DAPK1: variants seen among roughly 807,000 people sequenced by gnomAD.
DAPK1 encodes death-associated protein kinase 1.
A neutral mutation model predicts 144.9 loss-of-function variants in DAPK1; 56 were observed. That is an observed-to-expected ratio of 0.39 (90% confidence interval 0.31 to 0.48). The LOEUF (loss-of-function observed/expected upper bound fraction) is 0.48. DAPK1 is among the 20% of genes least tolerant of loss of function. The probability of loss-of-function intolerance (pLI) is 0.95; values close to 1 mark genes in which losing one functional copy is unlikely to be tolerated. For synonymous variants in DAPK1, 690 were observed against 749.0 expected (o/e 0.92, Z 1.29); for missense variants, 1,454 against 1,875.4 (o/e 0.78, Z 4.15).
At chr9:87,554,014 A>T (rs1329569707) in intron 2 of DAPK1, 3 of 152,090 alleles carry the variant, frequency 2.0e-5, no homozygotes, top group African/African-American at 7.2e-5. Context: ...CATTTGGGGG[A>T]CCCCCTTGGA....
intron 2 of DAPK1, among the ~76,000 whole-genome samples, chr9:87,588,273 C>T (rs531112501): frequency 6.6e-6 from 1 of 152,212 alleles, no homozygotes; most frequent in Non-Finnish European, 1.5e-5. Context: ...TCCTTCCTTT[C>T]CATTCCCTAT....
In DAPK1 at chr9:87,686,447, G is replaced by A. The variant is rs1824856936; in HGVS notation, c.2225-104G>A. The A allele has an allele frequency of 3.0e-6, 2 of 672,796 alleles. No individual in the cohort carries two copies. The highest frequency in any genetic ancestry group is 5.4e-6 in the Non-Finnish European group (2 of 373,320). The allele number at this position is 672,796 out of a possible 1,614,324, so 41.7% of individuals were successfully genotyped here. A position where few individuals can be genotyped will look rare whatever the true frequency, so the allele number is the denominator to read the frequency against. ...AGCCTGAAGCCAGAGTTGGGGTGGG[G>A]ACAGAGGCGTGCTCCAGAAAAGGAA... On this transcript the variant is annotated intron_variant, in intron 20 of 25. Transcript: ENST00000408954. The surrounding 1 kb of genome is among the most constrained non-coding windows in gnomAD (Gnocchi z 4.2).
At chr9:87,594,274 C>T (rs531162068) in intron 2 of DAPK1, among the ~76,000 whole-genome samples, 1 of 152,216 alleles carries the variant, frequency 6.6e-6, no homozygotes, top group South Asian at 2.1e-4. Context: ...TGTGGCTTTA[C>T]AGACACAAAC....
intron 3 of DAPK1, among the ~76,000 whole-genome samples, chr9:87,607,840 A>G (rs1324144127): frequency 5.3e-5 from 8 of 152,158 alleles, no homozygotes; most frequent in Non-Finnish European, 1.0e-4. Context: ...GTATTAGTCC[A>G]TTCTCACACT....
intron 3 of DAPK1, 91 bp from the exon 4 acceptor site, chr9:87,637,852 G>T: frequency 1.4e-6 from 2 of 1,398,246 alleles, no homozygotes; most frequent in Non-Finnish European, 9.7e-7. Flanking sequence ...CTGTTTTCTT[G>T]TCTGAAGTTT....
chr9:87,670,491 A>G (rs1186090583), intron 19 of DAPK1, among the ~76,000 whole-genome samples: 1 of 152,192 alleles, frequency 6.6e-6, no homozygotes, highest in East Asian at 1.9e-4. Context: ...GAAGGCTGAA[A>G]GGCTTCTTCG....
chr9:87,593,718 A>G (rs1158818253), intron 2 of DAPK1, among the ~76,000 whole-genome samples: 1 of 152,144 alleles, frequency 6.6e-6, no homozygotes, highest in Non-Finnish European at 1.5e-5. Context: ...CTCTTTCCCC[A>G]TGAAGTTATA....
chr9:87,515,959 C>A (rs943611400), intron 2 of DAPK1, among the ~76,000 whole-genome samples: 1 of 152,150 alleles, frequency 6.6e-6, no homozygotes, highest in Admixed American at 6.5e-5. Flanking sequence ...CCCTTGCCCC[C>A]CTTTCCCTAG....
intron 2 of DAPK1, among the ~76,000 whole-genome samples, chr9:87,521,634 A>G (rs190044298): frequency 6.6e-6 from 1 of 152,344 alleles, no homozygotes; most frequent in Admixed American, 6.5e-5. Flanking sequence ...GAGGAGAAGG[A>G]TGACATCTCA....
intron 2 of DAPK1, among the ~76,000 whole-genome samples, chr9:87,500,283 C>G (rs1486448467): frequency 6.6e-6 from 1 of 152,212 alleles, no homozygotes; most frequent in Admixed American, 6.5e-5. Context: ...AGATGGGGGC[C>G]TGTGCTTAGG....
chr9:87,590,588 AT>A (rs1008200773), intron 2 of DAPK1, among the ~76,000 whole-genome samples: 20 of 148,656 alleles, frequency 1.3e-4, no homozygotes, highest in East Asian at 2.0e-4. Context: ...TACTTAAAAA[AT>A]TTTTTTTTTT....
chr9:87,633,541 A>G (rs1587792098), intron 3 of DAPK1, among the ~76,000 whole-genome samples: 2 of 152,132 alleles, frequency 1.3e-5, no homozygotes, highest in Non-Finnish European at 1.5e-5. Flanking sequence ...AGAAGGGTCA[A>G]TGATGAAAAC....
intron 18 of DAPK1, among the ~76,000 whole-genome samples, chr9:87,663,842 G>T (rs907762099): frequency 6.6e-6 from 1 of 152,058 alleles, no homozygotes; most frequent in East Asian, 1.9e-4. Flanking sequence ...AAGGGCTTCC[G>T]CATCTGTCTG....
intron 2 of DAPK1, among the ~76,000 whole-genome samples, chr9:87,519,158 C>A (rs556367180): frequency 2.6e-5 from 4 of 152,096 alleles, no homozygotes; most frequent in Admixed American, 1.3e-4. Flanking sequence ...CGGCCGATGC[C>A]CCTGGTCCCA....
intron 2 of DAPK1, among the ~76,000 whole-genome samples, chr9:87,581,622 C>T (rs567009199): frequency 1.3e-5 from 2 of 152,196 alleles, no homozygotes; most frequent in South Asian, 2.1e-4. Flanking sequence ...TCTGATTCTT[C>T]CCCCCTAACT....
intron 19 of DAPK1, among the ~76,000 whole-genome samples, chr9:87,674,197 TAAGCCTGA>T (rs1022337210): frequency 2.0e-5 from 3 of 152,180 alleles, no homozygotes; most frequent in Admixed American, 2.0e-4. Flanking sequence ...AGATTTTCCG[TAAGCCTGA>T]AATTAAAAGT....
At chr9:87,632,506 A>C (rs988831107) in intron 3 of DAPK1, 11 of 975,480 alleles carry the variant, frequency 1.1e-5, no homozygotes, top group Middle Eastern at 5.3e-4. Flanking sequence ...GGATGAAGGA[A>C]GATGACAATA....
intron 2 of DAPK1, among the ~76,000 whole-genome samples, chr9:87,548,855 T>G (rs1042042486): frequency 2.0e-5 from 3 of 150,242 alleles, no homozygotes; most frequent in Non-Finnish European, 4.4e-5. Context: ...CCCTCCACAG[T>G]AGGTTGTAAA....
intron 3 of DAPK1, among the ~76,000 whole-genome samples, chr9:87,616,888 C>T (rs1829117886): frequency 6.6e-6 from 1 of 152,230 alleles, no homozygotes; most frequent in South Asian, 2.1e-4. Flanking sequence ...GTCCTGTTTT[C>T]AAGGGAACCT....
Sources: allele counts gnomAD v4.1 joint callset (sites outside exome capture counted in the v4.1 genomes callset), GRCh38; gene constraint gnomAD v4.1.1; non-coding constraint Gnocchi (gnomAD v3.1); transcripts MANE v1.5; gene names NCBI Gene and HGNC (gene_info 2026-07-23, HGNC 2026-07-21).